The following CRACD variants were observed in gnomAD, a reference collection of about 807,000 sequenced individuals.
CRACD encodes the protein capping protein-inhibiting regulator of actin dynamics.
A neutral mutation model predicts 106.8 loss-of-function variants in CRACD; 56 were observed. The ratio of observed to expected loss-of-function variants is 0.52; its 90% CI spans 0.42 to 0.66. The LOEUF is 0.66. Among genes scored for constraint, CRACD ranks in the 30% least tolerant of loss-of-function variants. The probability of loss-of-function intolerance (pLI) is 0.00; values close to 1 mark genes in which losing one functional copy is unlikely to be tolerated. For synonymous variants in CRACD, 754 were observed against 670.8 expected, an observed-to-expected ratio of 1.12 and a Z score of -1.92; for missense variants, 1,730 against 1,623.2, an observed-to-expected ratio of 1.07 and a Z score of -1.13.
At chr4:56,312,893 G>A (rs12331363) in intron 6 of CRACD, among the ~76,000 whole-genome samples, 45,376 of 152,092 alleles carry the variant, frequency 0.3, 7,102 homozygotes, top group Middle Eastern at 0.36. Flanking sequence ...TTGGCCTCCT[G>A]GCTATGTTTT....
intron 2 of CRACD, among the ~76,000 whole-genome samples, chr4:56,195,306 T>G (rs1000617091): frequency 3.9e-5 from 6 of 152,112 alleles, no homozygotes; most frequent in African/African-American, 1.4e-4. Flanking sequence ...GCGTCAATTT[T>G]CATGGCAAAA....
At chr4:56,253,189 T>C (rs1339463623) in intron 2 of CRACD, among the ~76,000 whole-genome samples, 1 of 152,128 alleles carries the variant, frequency 6.6e-6, no homozygotes, top group African/African-American at 2.4e-5. Context: ...CTCTGGCCTC[T>C]CCCAGGCCCT....
At chr4:56,125,262 T>C (rs77484904) in intron 1 of CRACD, among the ~76,000 whole-genome samples, 3,394 of 152,264 alleles carry the variant, frequency 0.022, 129 homozygotes, top group African/African-American at 0.077. Flanking sequence ...TTTTAAATTG[T>C]ATTGTTTCTT....
intron 2 of CRACD, among the ~76,000 whole-genome samples, chr4:56,262,211 A>G (rs1466920262): frequency 2.0e-5 from 3 of 152,198 alleles, no homozygotes; most frequent in East Asian, 3.8e-4. Flanking sequence ...GAGGTGATGG[A>G]AGGAGAGTCA....
intron 2 of CRACD, among the ~76,000 whole-genome samples, chr4:56,232,780 A>G (rs1560494562): frequency 6.6e-6 from 1 of 151,666 alleles, no homozygotes; most frequent in Non-Finnish European, 1.5e-5. Context: ...GCTGGAGTGC[A>G]GTGGCGCGAT....
chr4:56,267,983 T>A (rs921637033), intron 2 of CRACD, among the ~76,000 whole-genome samples: 2 of 152,156 alleles, frequency 1.3e-5, no homozygotes, highest in African/African-American at 4.8e-5. Flanking sequence ...CTTTTTCTCA[T>A]CCTTGTGTGT....
intron 3 of CRACD, among the ~76,000 whole-genome samples, chr4:56,277,369 A>G (rs1237109878): frequency 6.6e-6 from 1 of 152,124 alleles, no homozygotes; most frequent in Non-Finnish European, 1.5e-5. Context: ...TACCATATTA[A>G]TAAAATAAAG....
chr4:56,120,249 A>T (rs1274546092), intron 1 of CRACD, among the ~76,000 whole-genome samples: 1 of 152,038 alleles, frequency 6.6e-6, no homozygotes, highest in East Asian at 1.9e-4. Context: ...CTGTGATGTC[A>T]CTGGTCATGT....
In CRACD at chr4:56,109,345, C is replaced by G. The variant is rs1035651825; in HGVS notation, c.-336+60046C>G. Among the ~76,000 whole-genome samples, 5 of 111,272 alleles carry G rather than the reference C, an allele frequency of 4.5e-5. No individual in the cohort carries two copies. The Admixed American group carries it at 4.8e-4, about 11-fold the overall frequency. 73.0% of individuals were successfully genotyped at this position (111,272 alleles called of 152,430 possible). On this transcript the variant is annotated intron_variant, in intron 1 of 10. Coordinates refer to ENST00000682029, the MANE Select transcript of CRACD (RefSeq NM_001393381.1). ...AATTTGTATTATGACTATTCTTATT[C>G]TATTTTCTTTATTATACTGAAACAG...
chr4:56,217,422 AG>A (rs372675691), intron 2 of CRACD, among the ~76,000 whole-genome samples: 2,967 of 101,032 alleles, frequency 0.029, 39 homozygotes, highest in Middle Eastern at 0.062. Flanking sequence ...CAGTCCAGAA[AG>A]GGGGAGGTGG....
chr4:56,300,868 C>T (rs900639993), intron 4 of CRACD, among the ~76,000 whole-genome samples: 5 of 152,070 alleles, frequency 3.3e-5, no homozygotes, highest in Admixed American at 2.0e-4. Flanking sequence ...AACAGTAAGG[C>T]GTGATTTTAA....
At chr4:56,065,469 G>A (rs1732435163) in intron 1 of CRACD, among the ~76,000 whole-genome samples, 1 of 152,152 alleles carries the variant, frequency 6.6e-6, no homozygotes, top group African/African-American at 2.4e-5. Context: ...TTTGTGGGGC[G>A]AGGCTTCTGG....
chr4:56,079,748 G>A (rs555208106), intron 1 of CRACD, among the ~76,000 whole-genome samples: 8 of 152,142 alleles, frequency 5.3e-5, no homozygotes, highest in Non-Finnish European at 8.8e-5. Context: ...TGTGCCTGGC[G>A]TAGTCATTTT....
chr4:56,114,028 T>A (rs184739446), intron 1 of CRACD, among the ~76,000 whole-genome samples: 18 of 151,974 alleles, frequency 1.2e-4, no homozygotes, highest in African/African-American at 4.1e-4. Context: ...ATTTGGAGTA[T>A]GTTCATCATA....
chr4:56,061,563 A>G (rs1476622512), intron 1 of CRACD, among the ~76,000 whole-genome samples: 2 of 152,054 alleles, frequency 1.3e-5, no homozygotes, highest in East Asian at 3.9e-4. Flanking sequence ...GTCACTCTGC[A>G]TGAGGCACTG....
chr4:56,268,985 AT>A (rs1260245379), intron 2 of CRACD, among the ~76,000 whole-genome samples: 2 of 152,156 alleles, frequency 1.3e-5, no homozygotes, highest in Non-Finnish European at 2.9e-5. Flanking sequence ...CAAACCCTCT[AT>A]TTTTTGTAAA....
At chr4:56,232,463 T>C (rs1170310580) in intron 2 of CRACD, among the ~76,000 whole-genome samples, 1 of 152,166 alleles carries the variant, frequency 6.6e-6, no homozygotes, top group Non-Finnish European at 1.5e-5. Context: ...TCTTTCATTT[T>C]TGTTGGGCAT....
intron 1 of CRACD, among the ~76,000 whole-genome samples, chr4:56,089,543 C>T (rs984774534): frequency 9.1e-5 from 11 of 121,118 alleles, no homozygotes; most frequent in East Asian, 4.8e-4. Context: ...GACGGAGTTT[C>T]GGTCTTGTTG....
chr4:56,287,291 A>AT (rs57432926), intron 3 of CRACD, among the ~76,000 whole-genome samples: 168 of 145,856 alleles, frequency 1.2e-3, no homozygotes, highest in East Asian at 3.0e-3. Context: ...TACTTGGCTA[A>AT]TTTTTTTTTT....
Sources: allele counts gnomAD v4.1 joint callset (sites outside exome capture counted in the v4.1 genomes callset), GRCh38; gene constraint gnomAD v4.1.1; transcripts MANE v1.5; gene names NCBI Gene and HGNC (gene_info 2026-07-23, HGNC 2026-07-21).